The following SCAP variants were observed in gnomAD, a reference collection of about 807,000 sequenced individuals.
SCAP encodes the protein sterol regulatory element-binding protein cleavage-activating protein.
SCAP carries 65 observed loss-of-function variants against 123.6 expected under a neutral mutation model. The observed-to-expected ratio is 0.53, with a 90% CI of 0.43 to 0.65. The LOEUF is 0.65. Ranked by LOEUF, SCAP falls within the 30% of genes least tolerant of loss-of-function variation. SCAP has a pLI of 0.00. For missense variants in SCAP, 1,398 were observed against 1,712.5 expected, an observed-to-expected ratio of 0.82 and a Z score of 3.24; for synonymous variants, 740 against 726.3, an observed-to-expected ratio of 1.02 and a Z score of -0.30.
chr3:47,418,077 G>T (rs1440573753), intron 16 of SCAP, 57 bp downstream of exon 16: 2 of 1,332,806 alleles, frequency 1.5e-6, no homozygotes, highest in Non-Finnish European at 2.1e-6. Context: ...GTGGCGGCGG[G>T]GGGTGGGGTG....
chr3:47,472,837 T>C (rs1047132824), intron 1 of SCAP, among the ~76,000 whole-genome samples: 4 of 151,926 alleles, frequency 2.6e-5, no homozygotes, highest in Admixed American at 1.3e-4. Flanking sequence ...TCCCAGCACT[T>C]TGGGAGGCCG....
At chr3:47,460,918 T>C (rs192989351) in intron 1 of SCAP, among the ~76,000 whole-genome samples, 33 of 152,156 alleles carry the variant, frequency 2.2e-4, no homozygotes, top group African/African-American at 7.5e-4. Context: ...GGGGAGGAGT[T>C]TGTGAGGAGA....
chr3:47,415,105 C>T lies in SCAP; in HGVS notation c.3132G>A (p.Gln1044=), dbSNP rs915181384. 1 of 1,608,792 alleles carries T rather than the reference C, an allele frequency of 6.2e-7. No homozygotes were observed. The highest frequency in any genetic ancestry group is 1.1e-5 in the South Asian group (1 of 90,490). The change falls in exon 19 of 23, where the codon CAG becomes CAA. Residue 1044 remains glutamine, a synonymous_variant. Coordinates refer to ENST00000265565, the MANE Select transcript of SCAP (RefSeq NM_012235.4). The part of the protein sequence containing the change: ...LETHTALSPL[Q]FRGTPGRGSS... ...CACCCCAGGCCCTCCGACCTCTAAA[C>T]TGCAGGGGGCTGAGGGCAGTGTGGG...
At chr3:47,425,943 G>T in intron 7 of SCAP, 54 bp downstream of exon 7, 3 of 1,597,716 alleles carry the variant, frequency 1.9e-6, no homozygotes, top group Non-Finnish European at 2.6e-6. Flanking sequence ...CAGGTGACAT[G>T]GAAATGCCCG....
intron 1 of SCAP, among the ~76,000 whole-genome samples, chr3:47,448,343 G>A (rs1235410752): frequency 6.6e-6 from 1 of 152,002 alleles, no homozygotes; most frequent in Admixed American, 6.6e-5. Flanking sequence ...ATTAGTGCCA[G>A]AGTCTTTCTG....
chr3:47,452,974 T>C (rs1243018834), intron 1 of SCAP, among the ~76,000 whole-genome samples: 1 of 151,944 alleles, frequency 6.6e-6, no homozygotes, highest in Non-Finnish European at 1.5e-5. Flanking sequence ...CTCATGACTG[T>C]AGTCCTGGCT....
intron 3 of SCAP, among the ~76,000 whole-genome samples, chr3:47,432,568 G>C (rs1046751271): frequency 8.5e-5 from 13 of 152,216 alleles, no homozygotes; most frequent in Non-Finnish European, 1.3e-4. Flanking sequence ...GCTGAACTCA[G>C]CAGTGAGTCG....
Position 47,422,472 on chromosome 3 carries a change from G to A in SCAP, c.1215C>T (p.Ile405=), listed in dbSNP as rs562436228. The A allele has an allele frequency of 5.6e-6, 9 of 1,613,790 alleles. No individual in the cohort carries two copies. Among genetic ancestry groups the A allele is most frequent in the Admixed American group, 3.3e-5 (2 of 60,008 alleles). The change falls in exon 10 of 23, where the codon ATC becomes ATT. Residue 405 remains isoleucine (I), a synonymous_variant. Coordinates refer to ENST00000265565, the MANE Select transcript of SCAP (RefSeq NM_012235.4). Reference sequence around the variant, plus strand: ...TGGCGGGCACTAGGGTGAAGTAGCCGATGAGGATGATGCCCAGCTCCGTGG... The same window carrying A: ...TGGCGGGCACTAGGGTGAAGTAGCCAATGAGGATGATGCCCAGCTCCGTGG... ...NMATELGIIL[I]GYFTLVPAIQ... is the part of the protein sequence containing the mutation.
At chr3:47,454,277 G>C (rs1003430477) in intron 1 of SCAP, among the ~76,000 whole-genome samples, 2 of 151,964 alleles carry the variant, frequency 1.3e-5, no homozygotes, top group Non-Finnish European at 2.9e-5. Context: ...TGAGGCAGGA[G>C]AATGGTGTGA....
intron 3 of SCAP, among the ~76,000 whole-genome samples, chr3:47,434,551 T>A (rs1031955442): frequency 6.6e-6 from 1 of 152,206 alleles, no homozygotes; most frequent in East Asian, 1.9e-4. Flanking sequence ...CCAAACTAAA[T>A]AACTGGCCAG....
At chr3:47,437,733 C>A (rs1406684788) in intron 2 of SCAP, among the ~76,000 whole-genome samples, 2 of 151,818 alleles carry the variant, frequency 1.3e-5, no homozygotes, top group African/African-American at 4.8e-5. Context: ...CAGAGTGAGA[C>A]CCCCGTCTCA....
intron 1 of SCAP, among the ~76,000 whole-genome samples, chr3:47,446,461 G>A (rs1471050461): frequency 2.0e-5 from 3 of 152,140 alleles, no homozygotes; most frequent in African/African-American, 7.2e-5. Context: ...GTGAGCCACC[G>A]TGCCTGGCCC....
At position 47,419,545 on chromosome 3, in the gene SCAP, G is replaced by C; in HGVS notation, c.1723C>G (p.Pro575Ala). The C allele has an allele frequency of 6.2e-7, 1 of 1,613,534 alleles. No homozygotes were observed. The highest frequency in any genetic ancestry group is 1.7e-4 in the Middle Eastern group (1 of 6,058). Residue 575 changes from proline to alanine, a missense_variant, in exon 13 of 23, where the codon CCT (proline) becomes GCT (alanine). This residue lies in a region of SCAP where 828 missense variants were observed against 882.5 expected (regional missense o/e 0.94). Transcript: ENST00000265565. This position sits in a 1 kb window ranked among gnomAD's most constrained non-coding sequence, Gnocchi z 5.0. The part of the protein sequence containing the change: ...SGMLPPSHPD[P>A]AFSIFPPDAP... ...TCAGGTGGGAAGATGGAGAAGGCAG[G>C]GTCCGGGTGGCTGGGGGGCAGCATG...
Position 47,474,248 on chromosome 3 carries a change from G to A in SCAP, c.-99+1551C>T, listed in dbSNP as rs1481214272. 6.9e-5 allele frequency among the ~76,000 whole-genome samples: 10 copies of A among 145,880 alleles called. No individual in the cohort carries two copies. The East Asian group carries it at 2.1e-3, about 30-fold the overall frequency. On this transcript the variant is annotated intron_variant, in intron 1 of 22. Coordinates refer to ENST00000265565, the MANE Select transcript of SCAP (RefSeq NM_012235.4). ...CCACTGCACTCCAGCCTGGGCGACA[G>A]AGCGAGACTCCATCTCAAAAAAAAA...
chr3:47,417,805 G>A lies in SCAP; in HGVS notation c.2469C>T (p.Gly823=), dbSNP rs1374635448. The A allele has an allele frequency of 6.3e-6, 10 of 1,585,452 alleles. No homozygotes were observed. The highest frequency in any genetic ancestry group is 1.7e-5 in the Admixed American group (1 of 57,438). ...PRPGRQRRDS[G]VGSGLEAQES... ...CCTGAGCCTCAAGCCCGCTGCCCAC[G>A]CCACTGTCCCGGCGCTGCCTGCTGG... The change falls in exon 17 of 23, where the codon GGC becomes GGT. Residue 823 remains glycine (G), a synonymous_variant. Coordinates refer to ENST00000265565, the MANE Select transcript of SCAP (RefSeq NM_012235.4).
chr3:47,440,702 C>T (rs1706761834), intron 2 of SCAP, among the ~76,000 whole-genome samples: 1 of 152,104 alleles, frequency 6.6e-6, no homozygotes, highest in Non-Finnish European at 1.5e-5. Context: ...AACCCCAGCT[C>T]TACTAAAAAT....
chr3:47,433,876 TA>T lies in SCAP; in HGVS notation c.252+1131del, dbSNP rs573226342. On this transcript the variant is annotated intron_variant, in intron 3 of 22. Coordinates refer to ENST00000265565, the MANE Select transcript of SCAP (RefSeq NM_012235.4). Reference sequence around the variant, plus strand: ...AGAGTGAGACTCCATCTCAAAACAATAAAAAAAAAATGGTTAATGAAGGTAA... The same window carrying T: ...AGAGTGAGACTCCATCTCAAAACAATAAAAAAAAATGGTTAATGAAGGTAA... 9.5e-3 allele frequency among the ~76,000 whole-genome samples: 1,389 copies of T among 145,748 alleles called. 8 individuals carry two copies. Among genetic ancestry groups the T allele is most frequent in the Non-Finnish European group, 0.015 (960 of 65,936 alleles).
intron 1 of SCAP, among the ~76,000 whole-genome samples, chr3:47,473,436 G>A (rs563054053): frequency 6.6e-6 from 1 of 152,138 alleles, no homozygotes; most frequent in East Asian, 1.9e-4. Context: ...AAGTTCTAAC[G>A]GAAGGAGCTC....
intron 1 of SCAP, among the ~76,000 whole-genome samples, chr3:47,474,796 CCAAA>C (rs909622624): frequency 5.3e-5 from 8 of 152,044 alleles, no homozygotes; most frequent in Non-Finnish European, 8.8e-5. Flanking sequence ...GACCCTGTCT[CCAAA>C]CAAACAAACA....
Sources: gnomAD v4.1 joint callset for allele counts (sites outside exome capture counted in the v4.1 genomes callset) on GRCh38, gnomAD v4.1.1 for gene constraint, gnomAD v4.1.1 regional missense constraint, Gnocchi (gnomAD v3.1) non-coding constraint, MANE v1.5 for transcripts, NCBI Gene and HGNC (gene_info 2026-07-23, HGNC 2026-07-21) for gene names.